The following EXT1 variants were observed in gnomAD, a reference collection of about 807,000 sequenced individuals.
EXT1 encodes exostosin glycosyltransferase 1.
EXT1 carries 20 observed loss-of-function variants against 82.5 expected under a neutral mutation model. The ratio of observed to expected loss-of-function variants is 0.24; its 90% CI spans 0.17 to 0.35. The LOEUF (loss-of-function observed/expected upper bound fraction) is 0.35, where lower values mean the gene tolerates loss of function less well. Among genes scored for constraint, EXT1 ranks in the 10% least tolerant of loss-of-function variants. The pLI, the probability that EXT1 is intolerant of heterozygous loss-of-function variation, is 1.00. For synonymous variants in EXT1, 348 were observed against 350.8 expected, an observed-to-expected ratio of 0.99 and a Z score of 0.09; for missense variants, 757 against 936.5, an observed-to-expected ratio of 0.81 and a Z score of 2.50.
intron 1 of EXT1, among the ~76,000 whole-genome samples, chr8:117,977,497 A>G (rs1011763567): frequency 5.3e-5 from 8 of 152,184 alleles, no homozygotes; most frequent in African/African-American, 1.9e-4. Context: ...AAGTTGTCAG[A>G]TGTGAAATGA....
At position 118,063,442 on chromosome 8, in the gene EXT1, GC is replaced by G. The variant is rs1412968297; in HGVS notation, c.962+46642del. ...AAAAGAAGATGAGGCATTTTCCTAA[GC>G]TTTGCTGAAGTGCCAACTGCGAGTC... On this transcript the variant is annotated intron_variant, in intron 1 of 10. Transcript: ENST00000378204. 2.0e-5 allele frequency among the ~76,000 whole-genome samples: 3 copies of G among 152,302 alleles called. No homozygotes were observed. In the South Asian group the frequency reaches 6.2e-4, roughly 32 times the overall value.
chr8:117,831,558 G>C (rs1324234119), intron 3 of EXT1: 1 of 470,878 alleles, frequency 2.1e-6, no homozygotes, highest in South Asian at 1.5e-5. Flanking sequence ...TAGTCTTTAG[G>C]GAAGATTCCT....
intron 1 of EXT1, among the ~76,000 whole-genome samples, chr8:117,939,390 C>T (rs1285902745): frequency 2.6e-5 from 4 of 151,728 alleles, no homozygotes; most frequent in East Asian, 1.9e-4. Context: ...ACCAACATGG[C>T]GAAACCCTGT....
At chr8:117,878,111 T>C (rs1358883487) in intron 1 of EXT1, among the ~76,000 whole-genome samples, 1 of 152,122 alleles carries the variant, frequency 6.6e-6, no homozygotes, top group Non-Finnish European at 1.5e-5. Flanking sequence ...CCATCTCTAC[T>C]AAAAGTACAA....
intron 1 of EXT1, among the ~76,000 whole-genome samples, chr8:117,849,361 C>A (rs1265486010): frequency 2.0e-5 from 3 of 152,200 alleles, no homozygotes; most frequent in African/African-American, 4.8e-5. Context: ...ACCACTGTGA[C>A]CCCAGACCCT....
chr8:117,829,282 T>G (rs1812057451), intron 4 of EXT1, among the ~76,000 whole-genome samples: 1 of 152,144 alleles, frequency 6.6e-6, no homozygotes, highest in Non-Finnish European at 1.5e-5. Flanking sequence ...CCATGCTTCC[T>G]TTTTCTTTTT....
chr8:117,906,096 A>T (rs1417560219), intron 1 of EXT1, among the ~76,000 whole-genome samples: 1 of 151,898 alleles, frequency 6.6e-6, no homozygotes, highest in Non-Finnish European at 1.5e-5. Flanking sequence ...GATTTGCATG[A>T]CTCTTGGCTT....
intron 1 of EXT1, among the ~76,000 whole-genome samples, chr8:118,047,876 T>C (rs1218565869): frequency 2.0e-5 from 3 of 152,050 alleles, no homozygotes; most frequent in African/African-American, 7.2e-5. Context: ...AATCAATCAA[T>C]CAATCAATTA....
chr8:118,027,980 C>T (rs565399197), intron 1 of EXT1, among the ~76,000 whole-genome samples: 4 of 152,264 alleles, frequency 2.6e-5, no homozygotes, highest in Admixed American at 6.5e-5. Flanking sequence ...AATAGAAGTA[C>T]TGCAGTTACT....
intron 1 of EXT1, among the ~76,000 whole-genome samples, chr8:117,983,214 T>C (rs1011323142): frequency 6.6e-6 from 1 of 152,218 alleles, no homozygotes; most frequent in Non-Finnish European, 1.5e-5. Flanking sequence ...CCAGGCATTG[T>C]GACTCACACC....
At chr8:117,903,533 T>TA (rs1349756686) in intron 1 of EXT1, among the ~76,000 whole-genome samples, 2 of 152,214 alleles carry the variant, frequency 1.3e-5, no homozygotes, top group Non-Finnish European at 2.9e-5. Context: ...AAAACACACG[T>TA]ACATTTAAAG....
intron 1 of EXT1, among the ~76,000 whole-genome samples, chr8:117,924,931 G>A (rs1563602893): frequency 6.6e-6 from 1 of 152,122 alleles, no homozygotes; most frequent in Non-Finnish European, 1.5e-5. Context: ...CCCAAACCCT[G>A]CAACCTATTT....
chr8:117,836,561 CTG>C (rs1812191551), intron 2 of EXT1, among the ~76,000 whole-genome samples: 1 of 152,212 alleles, frequency 6.6e-6, no homozygotes, highest in Non-Finnish European at 1.5e-5. Context: ...ATGTGGATGA[CTG>C]TCTCAAGAGG....
At chr8:118,065,509 T>C (rs967134150) in intron 1 of EXT1, among the ~76,000 whole-genome samples, 3 of 152,190 alleles carry the variant, frequency 2.0e-5, no homozygotes, top group African/African-American at 7.2e-5. Flanking sequence ...AAGTTGTCAA[T>C]TTTCTTCTTT....
chr8:118,111,242 C>T lies in EXT1; in HGVS notation c.-196G>A. On this transcript the variant is annotated 5_prime_UTR_variant, in exon 1 of 11. Coordinates refer to ENST00000378204, the MANE Select transcript of EXT1 (RefSeq NM_000127.3). ...TGGGCGATTTCTTTAACTTTCTCCC[C>T]TTCGGTCTTTCATCTTTGGGTTGCA... is the stretch of plus-strand genomic sequence containing the variant. 1 of 783,590 alleles carries T rather than the reference C, an allele frequency of 1.3e-6. No homozygotes were observed. 48.5% of individuals were successfully genotyped at this position (783,590 alleles called of 1,614,324 possible).
At chr8:118,038,136 A>T (rs1816460475) in intron 1 of EXT1, among the ~76,000 whole-genome samples, 1 of 152,118 alleles carries the variant, frequency 6.6e-6, no homozygotes, top group African/African-American at 2.4e-5. Context: ...AAGATTTTTT[A>T]AAAAGTGAAA....
In EXT1 at chr8:117,997,497, G is replaced by A. The variant is rs566539340; in HGVS notation, c.962+112588C>T. On this transcript the variant is annotated intron_variant, in intron 1 of 10. Coordinates refer to ENST00000378204, the MANE Select transcript of EXT1 (RefSeq NM_000127.3). ...ATAAACCCCCAAAATCATGAATATA[G>A]ACCAGGGTTGAGAACCTCTGTCTCT... Among the ~76,000 whole-genome samples, 7 of 151,910 alleles carry A rather than the reference G, an allele frequency of 4.6e-5. 1 individual carries two copies. In the South Asian group the frequency reaches 1.5e-3, roughly 32 times the overall value.
rs1336135919 is a variant in EXT1 at position 118,035,247 on chromosome 8, A to AGGAAGCTT, written c.962+74830_962+74837dup. On this transcript the variant is annotated intron_variant, in intron 1 of 10. Transcript: ENST00000378204. ...TGGTTTGCTAGCCTCACTCGCACAC[A>AGGAAGCTT]GGAAGCTTGGAATTTGGAGGCTCCA... is the stretch of plus-strand genomic sequence containing the variant. Among the ~76,000 whole-genome samples, 4 of 152,160 alleles carry AGGAAGCTT rather than the reference A, an allele frequency of 2.6e-5. No homozygotes were observed. The East Asian group carries it at 7.7e-4, about 29-fold the overall frequency.
chr8:118,043,534 G>A (rs1037855872), intron 1 of EXT1, among the ~76,000 whole-genome samples: 1 of 152,126 alleles, frequency 6.6e-6, no homozygotes, highest in East Asian at 1.9e-4. Context: ...CACATCACAT[G>A]AGCCCTCACT....
Sources: gnomAD v4.1 joint callset for allele counts (sites outside exome capture counted in the v4.1 genomes callset) on GRCh38, gnomAD v4.1.1 for gene constraint, MANE v1.5 for transcripts, NCBI Gene and HGNC (gene_info 2026-07-23, HGNC 2026-07-21) for gene names.